DNM2: variants seen among roughly 807,000 people sequenced by gnomAD.
DNM2 encodes the protein dynamin-2.
Under a neutral mutation model 99.0 loss-of-function variants are expected in DNM2, and 15 were observed. The observed-to-expected ratio is 0.15, with a 90% CI of 0.10 to 0.23. The LOEUF is 0.23. DNM2 is among the 10% of genes least tolerant of loss of function. The pLI is 1.00. For missense variants in DNM2, 742 were observed against 1,189.4 expected (o/e 0.62, Z 5.53); for synonymous variants, 525 against 481.2 (o/e 1.09, Z -1.19).
chr19:10,829,288 C>T lies in DNM2; in HGVS notation c.2291+20C>T. The T allele has an allele frequency of 1.9e-6, 3 of 1,610,244 alleles. No individual in the cohort carries two copies. The highest frequency in any genetic ancestry group is 2.5e-6 in the Non-Finnish European group (3 of 1,179,602). ...CCACAGGTCCGGAAGCCTGGTTCCC[C>T]TACCCTCAAGCATTCGGCCTGCAGG... On this transcript the variant is annotated intron_variant, in intron 19 of 20. Coordinates refer to ENST00000389253, the MANE Select transcript of DNM2 (RefSeq NM_001005361.3).
Position 10,830,034 on chromosome 19 carries a change from C to G in DNM2, c.2292-93C>G. 1 of 1,578,906 alleles carries G rather than the reference C, an allele frequency of 6.3e-7. No homozygotes were observed. The highest frequency in any genetic ancestry group is 1.1e-5 in the South Asian group (1 of 90,314). ...ACTGCGCCTGCGCTGTCCCCATAGCCAGCCCCCACCTCAGGTTCTGGCAGC... is the reference window on the plus strand; with the variant it reads ...ACTGCGCCTGCGCTGTCCCCATAGCGAGCCCCCACCTCAGGTTCTGGCAGC... On this transcript the variant is annotated intron_variant, in intron 19 of 20. Transcript: ENST00000389253. This position sits in a 1 kb window ranked among gnomAD's most constrained non-coding sequence, Gnocchi z 4.8.
At chr19:10,810,495 C>A (rs952697911) in intron 14 of DNM2, 7 of 152,564 alleles carry the variant, frequency 4.6e-5, no homozygotes, top group African/African-American at 1.7e-4. Context: ...GACGTCCTGC[C>A]CCAAGGCTTG....
intron 1 of DNM2, among the ~76,000 whole-genome samples, chr19:10,742,424 G>A (rs1041127346): frequency 9.2e-5 from 14 of 152,164 alleles, no homozygotes; most frequent in South Asian, 2.1e-4. Context: ...GGCCTTATGC[G>A]TGCTAGACCC....
intron 1 of DNM2, among the ~76,000 whole-genome samples, chr19:10,746,724 TTTGTTTTTTG>T (rs1343233793): frequency 1.2e-5 from 1 of 84,364 alleles, no homozygotes; most frequent in Non-Finnish European, 2.1e-5. Context: ...CGGCTTTTTT[TTTGTTTTTTG>T]TTTTTTTTTT....
chr19:10,802,914 C>T (rs988911847), intron 12 of DNM2, among the ~76,000 whole-genome samples: 14 of 152,204 alleles, frequency 9.2e-5, no homozygotes, highest in South Asian at 2.1e-4. Flanking sequence ...AGGCATCACC[C>T]GCTGATTCCT....
intron 2 of DNM2, chr19:10,768,490 T>A (rs1431489904): frequency 6.6e-6 from 1 of 152,206 alleles, no homozygotes; most frequent in African/African-American, 2.4e-5. Context: ...ACAGCCCCTG[T>A]CTTCTCTGAT....
intron 1 of DNM2, among the ~76,000 whole-genome samples, chr19:10,732,109 C>A (rs1412547065): frequency 6.6e-6 from 1 of 151,610 alleles, no homozygotes; most frequent in Non-Finnish European, 1.5e-5. Flanking sequence ...CGTGCACCAT[C>A]ACACCCGGCT....
At chr19:10,780,212 C>T (rs549903083) in intron 5 of DNM2, 1 of 153,262 alleles carries the variant, frequency 6.5e-6, no homozygotes, top group South Asian at 2.1e-4. Flanking sequence ...AAATTCAAAA[C>T]CCTGTTTAGC....
chr19:10,803,499 C>T (rs1262829505), intron 12 of DNM2: 12 of 549,140 alleles, frequency 2.2e-5, no homozygotes, highest in Non-Finnish European at 2.8e-5. Context: ...CGCTGGTCCC[C>T]ATCTTTGGTT....
At position 10,793,726 on chromosome 19, in the gene DNM2, C is replaced by A; in HGVS notation, c.999C>A (p.Val333=). ...TRKTKALLQM[V]QQFGVDFEKR... is the part of the protein sequence containing the mutation. ...TTTTTCCTTTTCCTCATAGGATGGT[C>A]CAGCAGTTTGGGGTGGATTTTGAGA... Residue 333 remains valine, a synonymous_variant, in exon 8 of 21, where the codon GTC becomes GTA. Transcript: ENST00000389253. 15 of 1,614,122 alleles carry A rather than the reference C, an allele frequency of 9.3e-6. No individual in the cohort carries two copies. The highest frequency in any genetic ancestry group is 1.3e-5 in the Non-Finnish European group (15 of 1,180,032).
chr19:10,809,639 C>T (rs114560542), intron 14 of DNM2: 7,007 of 152,482 alleles, frequency 0.046, 196 homozygotes, highest in Middle Eastern at 0.098. Context: ...TCTAGGCAGC[C>T]GGCCTCAGCC....
In DNM2 at chr19:10,772,272, G is replaced by A. The variant is rs1056699084; in HGVS notation, c.236-207G>A. ...TTTTTTGTATTTTTAGTAGAGACAGGGTTTCACCATGTTAGTGAGGATGGT... is the reference window on the plus strand; with the variant it reads ...TTTTTTGTATTTTTAGTAGAGACAGAGTTTCACCATGTTAGTGAGGATGGT... On this transcript the variant is annotated intron_variant, in intron 2 of 20. Coordinates refer to ENST00000389253, the MANE Select transcript of DNM2 (RefSeq NM_001005361.3). This position sits in a 1 kb window ranked among gnomAD's most constrained non-coding sequence, Gnocchi z 4.9. Among the ~76,000 whole-genome samples the A allele has an allele frequency of 1.4e-4, 21 of 151,784 alleles. No homozygotes were observed. Among genetic ancestry groups the A allele is most frequent in the Admixed American group, 1.4e-3 (21 of 15,198 alleles).
chr19:10,748,084 C>T (rs1286391248), intron 1 of DNM2, among the ~76,000 whole-genome samples: 1 of 152,016 alleles, frequency 6.6e-6, no homozygotes. Flanking sequence ...CAGGACAGGT[C>T]GTGCAGGGCT....
At position 10,796,181 on chromosome 19, in the gene DNM2, T is replaced by C. The variant is rs771160197; in HGVS notation, c.1196+742T>C. On this transcript the variant is annotated intron_variant, in intron 9 of 20. Transcript: ENST00000389253. The surrounding 1 kb of genome is among the most constrained non-coding windows in gnomAD (Gnocchi z 5.6). Reference sequence around the variant, plus strand: ...TTATCCAGGAGCTAATCAATACAGTTAGGCAGTGTACCAGTAAGGTATTGC... The same window carrying C: ...TTATCCAGGAGCTAATCAATACAGTCAGGCAGTGTACCAGTAAGGTATTGC... 5 of 1,614,034 alleles carry C rather than the reference T, an allele frequency of 3.1e-6. No individual in the cohort carries two copies. Among genetic ancestry groups the C allele is most frequent in the Non-Finnish European group, 1.7e-6 (2 of 1,180,032 alleles).
chr19:10,726,662 G>A (rs2069126232), intron 1 of DNM2, among the ~76,000 whole-genome samples: 1 of 152,074 alleles, frequency 6.6e-6, no homozygotes, highest in African/African-American at 2.4e-5. Context: ...TCAGGAGTTC[G>A]AGACCAGCCT....
At chr19:10,773,435 C>T (rs2071045193) in intron 3 of DNM2, among the ~76,000 whole-genome samples, 1 of 131,696 alleles carries the variant, frequency 7.6e-6, no homozygotes. Flanking sequence ...ACGTGAGCCG[C>T]CGCGCCCGGC....
rs1388284701 is a variant in DNM2 at position 10,830,375 on chromosome 19, C to G, written c.2540C>G (p.Pro847Arg). The change falls in exon 20 of 21, where the codon CCC (proline) becomes CGC (arginine). Residue 847 changes from proline (P) to arginine (R), a missense_variant. Coordinates refer to ENST00000389253, the MANE Select transcript of DNM2 (RefSeq NM_001005361.3). The surrounding 1 kb of genome is among the most constrained non-coding windows in gnomAD (Gnocchi z 4.8). ...RIPPGIPPGVPSRRPPAAPSR... is the reference protein window; with the variant it reads ...RIPPGIPPGVRSRRPPAAPSR... Reference sequence around the variant, plus strand: ...CCCCCAGGGATTCCCCCAGGAGTGCCCAGGTAAGGCCAACCCCCTGCCCTC... The same window carrying G: ...CCCCCAGGGATTCCCCCAGGAGTGCGCAGGTAAGGCCAACCCCCTGCCCTC... The G allele has an allele frequency of 6.2e-7, 1 of 1,609,256 alleles. No homozygotes were observed. The highest frequency in any genetic ancestry group is 1.7e-5 in the Admixed American group (1 of 59,980).
At chr19:10,767,130 G>A (rs1392779230) in intron 2 of DNM2, among the ~76,000 whole-genome samples, 1 of 152,022 alleles carries the variant, frequency 6.6e-6, no homozygotes, top group Non-Finnish European at 1.5e-5. Flanking sequence ...TGGCTTGTTG[G>A]CTGGGCCTCG....
chr19:10,787,576 A>G (rs1469481484), intron 7 of DNM2, among the ~76,000 whole-genome samples: 2 of 149,028 alleles, frequency 1.3e-5, no homozygotes, highest in Admixed American at 6.7e-5. Flanking sequence ...ACCACGGTGA[A>G]ACCCTGTCTC....
Sources: gnomAD v4.1 joint callset for allele counts (sites outside exome capture counted in the v4.1 genomes callset) on GRCh38, gnomAD v4.1.1 for gene constraint, Gnocchi (gnomAD v3.1) non-coding constraint, MANE v1.5 for transcripts, NCBI Gene and HGNC (gene_info 2026-07-23, HGNC 2026-07-21) for gene names.